The following PLCB4 variants were observed in gnomAD, a reference collection of about 807,000 sequenced individuals.
The protein encoded by PLCB4 is 1-phosphatidylinositol 4,5-bisphosphate phosphodiesterase beta-4.
PLCB4 carries 77 observed loss-of-function variants against 178.8 expected under a neutral mutation model. The ratio of observed to expected loss-of-function variants is 0.43; its 90% CI spans 0.36 to 0.52. The LOEUF is 0.52. Ranked by LOEUF, PLCB4 falls within the 20% of genes least tolerant of loss-of-function variation. The pLI is 0.00. For missense variants in PLCB4, 1,024 were observed against 1,453.4 expected (o/e 0.70, Z 4.80); for synonymous variants, 496 against 490.8 (o/e 1.01, Z -0.14).
chr20:9,123,877 G>A (rs1027295671), intron 2 of PLCB4, among the ~76,000 whole-genome samples: 2 of 151,884 alleles, frequency 1.3e-5, no homozygotes, highest in Admixed American at 6.6e-5. Context: ...TTCTGTAAAA[G>A]GCCAGAAAGT....
At chr20:9,320,718 G>C (rs1017069871) in intron 4 of PLCB4, among the ~76,000 whole-genome samples, 6 of 152,198 alleles carry the variant, frequency 3.9e-5, no homozygotes, top group Admixed American at 2.0e-4. Context: ...TGTTGCTTGA[G>C]GTTTCACAGG....
intron 12 of PLCB4, among the ~76,000 whole-genome samples, chr20:9,375,564 A>G (rs1205132636): frequency 6.6e-6 from 1 of 152,166 alleles, no homozygotes; most frequent in Non-Finnish European, 1.5e-5. Flanking sequence ...GTACTACCCC[A>G]CATATCAGAC....
chr20:9,434,716 G>T (rs1602683624), intron 28 of PLCB4, among the ~76,000 whole-genome samples: 1 of 151,178 alleles, frequency 6.6e-6, no homozygotes, highest in Non-Finnish European at 1.5e-5. Context: ...AAAAGGAAAA[G>T]AAAAAAAAAT....
intron 3 of PLCB4, among the ~76,000 whole-genome samples, chr20:9,241,026 C>T (rs916312046): frequency 2.6e-5 from 4 of 152,100 alleles, no homozygotes; most frequent in Non-Finnish European, 4.4e-5. Context: ...TTCTCTGTCT[C>T]CAATGGTTTA....
chr20:9,167,543 A>G (rs188366548), intron 2 of PLCB4, among the ~76,000 whole-genome samples: 1 of 152,304 alleles, frequency 6.6e-6, no homozygotes, highest in East Asian at 1.9e-4. Context: ...TTGAACATGA[A>G]CGCGTACTTA....
chr20:9,295,963 T>G (rs2094628782), intron 3 of PLCB4, among the ~76,000 whole-genome samples: 1 of 152,252 alleles, frequency 6.6e-6, no homozygotes, highest in East Asian at 1.9e-4. Flanking sequence ...ACTTCATGTC[T>G]AAAACACCAA....
At chr20:9,201,366 C>T (rs964168502) in intron 2 of PLCB4, among the ~76,000 whole-genome samples, 8 of 152,024 alleles carry the variant, frequency 5.3e-5, no homozygotes, top group Non-Finnish European at 1.2e-4. Flanking sequence ...TTTTTATACT[C>T]ATAAAAGTTA....
intron 14 of PLCB4, among the ~76,000 whole-genome samples, chr20:9,385,809 G>A (rs932428431): frequency 2.0e-5 from 3 of 150,904 alleles, no homozygotes; most frequent in Non-Finnish European, 4.4e-5. Flanking sequence ...CATCCCAGAC[G>A]ATGGGCAGCC....
intron 1 of PLCB4, among the ~76,000 whole-genome samples, chr20:9,089,569 A>G (rs2090585225): frequency 6.6e-6 from 1 of 152,152 alleles, no homozygotes. Flanking sequence ...ATATTTAATC[A>G]GCTCACTTAA....
At chr20:9,463,325 A>G (rs1314337600) in intron 35 of PLCB4, among the ~76,000 whole-genome samples, 1 of 152,210 alleles carries the variant, frequency 6.6e-6, no homozygotes, top group Non-Finnish European at 1.5e-5. Flanking sequence ...CCAAATTGTA[A>G]AGACCAACGA....
rs377423358 is a variant in PLCB4 at position 9,235,477 on chromosome 20, T to C, written c.-16+18025T>C. ...TTGACTGTAGTTGATGTAAACTGAC[T>C]CTTTTTCTGTAGTGGACAACAAACT... On this transcript the variant is annotated intron_variant, in intron 3 of 39. Transcript: ENST00000378473. Among the ~76,000 whole-genome samples, 280 of 152,334 alleles carry C rather than the reference T, an allele frequency of 1.8e-3. 2 individuals are homozygous for C. The highest frequency in any genetic ancestry group is 6.2e-3 in the African/African-American group (259 of 41,572).
chr20:9,197,631 G>A (rs2093488770), intron 2 of PLCB4, among the ~76,000 whole-genome samples: 1 of 152,152 alleles, frequency 6.6e-6, no homozygotes, highest in African/African-American at 2.4e-5. Flanking sequence ...GACCTGTATA[G>A]GAATTTTCTG....
intron 24 of PLCB4, 135 bp from the exon 25 acceptor site, chr20:9,410,902 C>A: frequency 4.9e-6 from 3 of 618,546 alleles, no homozygotes; most frequent in Non-Finnish European, 5.8e-6. Context: ...TTAAATAGAC[C>A]AAGCAGAACC....
At chr20:9,170,415 AT>A (rs1283256412) in intron 2 of PLCB4, among the ~76,000 whole-genome samples, 1 of 152,132 alleles carries the variant, frequency 6.6e-6, no homozygotes, top group African/African-American at 2.4e-5. Flanking sequence ...ATTGATTCTT[AT>A]CATGTTTTAT....
intron 3 of PLCB4, among the ~76,000 whole-genome samples, chr20:9,220,734 A>G (rs539320974): frequency 6.6e-6 from 1 of 152,326 alleles, no homozygotes. Flanking sequence ...TTTTGCCTCT[A>G]CTTTAGAGCC....
intron 4 of PLCB4, among the ~76,000 whole-genome samples, chr20:9,317,551 A>G (rs924710214): frequency 6.6e-6 from 1 of 152,124 alleles, no homozygotes; most frequent in Non-Finnish European, 1.5e-5. Context: ...TTTCATGGAA[A>G]ATGGTAATCC....
intron 34 of PLCB4, 21 bp from the exon 35 acceptor site, chr20:9,459,614 C>T (rs374547362): frequency 2.5e-5 from 40 of 1,574,572 alleles, no homozygotes; most frequent in African/African-American, 2.2e-4. Context: ...ACAATGGCAC[C>T]GTCCCCTTTT....
intron 2 of PLCB4, among the ~76,000 whole-genome samples, chr20:9,130,995 A>G (rs1334448708): frequency 6.6e-6 from 1 of 152,174 alleles, no homozygotes; most frequent in African/African-American, 2.4e-5. Context: ...CATGGGCCTC[A>G]TGGCCAGCAT....
At chr20:9,287,120 A>C (rs916491731) in intron 3 of PLCB4, among the ~76,000 whole-genome samples, 1 of 152,048 alleles carries the variant, frequency 6.6e-6, no homozygotes, top group Non-Finnish European at 1.5e-5. Flanking sequence ...CATGACAATA[A>C]ATTCATACAT....
Sources: gnomAD v4.1 joint callset for allele counts (sites outside exome capture counted in the v4.1 genomes callset) on GRCh38, gnomAD v4.1.1 for gene constraint, MANE v1.5 for transcripts, NCBI Gene and HGNC (gene_info 2026-07-23, HGNC 2026-07-21) for gene names.